ZNF107: variants seen among roughly 807,000 people sequenced by gnomAD.
The protein encoded by ZNF107 is C2H2 type zinc-finger protein.
A neutral mutation model predicts 12.3 loss-of-function variants in ZNF107; 19 were observed. The ratio of observed to expected loss-of-function variants is 1.55; its 90% CI spans 1.08 to 2.27. ZNF107 has a LOEUF of 2.27. Ranked by LOEUF, ZNF107 falls within the 30% of genes most tolerant of loss-of-function variation. The probability of loss-of-function intolerance (pLI) is 0.00; values close to 1 mark genes in which losing one functional copy is unlikely to be tolerated. For synonymous variants in ZNF107, 317 were observed against 330.5 expected (o/e 0.96, Z 0.44); for missense variants, 958 against 979.9 (o/e 0.98, Z 0.30).
chr7:64,684,801 TTATC>T, intron 1 of ZNF107: 1 of 885,520 alleles, frequency 1.1e-6, no homozygotes, highest in South Asian at 5.2e-5. Flanking sequence ...TACTCACTCT[TTATC>T]TATCCCTCCT....
chr7:64,709,719 A>C lies in ZNF107; in HGVS notation c.*1063A>C, dbSNP rs760248639. On this transcript the variant is annotated 3_prime_UTR_variant, in exon 4 of 4. Coordinates refer to ENST00000620827, the MANE Select transcript of ZNF107 (RefSeq NM_001282359.2). Reference sequence around the variant, plus strand: ...TGTACAAATACAAGGAATGTGGAAAAGCCATTATTATCTGCTCAGATTTTA... The same window carrying C: ...TGTACAAATACAAGGAATGTGGAAACGCCATTATTATCTGCTCAGATTTTA... The C allele has an allele frequency of 2.2e-5, 10 of 455,968 alleles. No individual in the cohort carries two copies. Among genetic ancestry groups the C allele is most frequent in the South Asian group, 1.5e-4 (10 of 64,530 alleles). The allele number at this position is 455,968 out of a possible 1,614,324, so 28.2% of individuals were successfully genotyped here.
In ZNF107 at chr7:64,707,193, G is replaced by A; in HGVS notation, c.1096G>A (p.Gly366Arg). Residue 366 changes from glycine (G) to arginine (R), a missense_variant, in exon 4 of 4, where the codon GGG becomes AGG. Coordinates refer to ENST00000620827, the MANE Select transcript of ZNF107 (RefSeq NM_001282359.2). ...LNKQEKIHTGGKLNKCEECDK... is the reference protein window; with the variant it reads ...LNKQEKIHTGRKLNKCEECDK... ...TAAACAGGAGAAAATTCATACTGGA[G>A]GGAAACTCAACAAATGTGAAGAATG... 1 of 1,613,632 alleles carries A rather than the reference G, an allele frequency of 6.2e-7. No individual in the cohort carries two copies. Among genetic ancestry groups the A allele is most frequent in the African/African-American group, 1.3e-5 (1 of 75,000 alleles).
chr7:64,684,355 A>T (rs1188278941), intron 1 of ZNF107, among the ~76,000 whole-genome samples: 1 of 152,052 alleles, frequency 6.6e-6, no homozygotes, highest in Non-Finnish European at 1.5e-5. Context: ...ATATGAGGAC[A>T]CTCTGGCCAG....
intron 3 of ZNF107, among the ~76,000 whole-genome samples, chr7:64,694,917 GTTAC>G (rs1445927508): frequency 6.6e-6 from 1 of 152,018 alleles, no homozygotes; most frequent in Non-Finnish European, 1.5e-5. Context: ...TACTAAAATA[GTTAC>G]TTACAAATTT....
rs75081833 is a variant in ZNF107 at position 64,706,647 on chromosome 7, G to C, written c.550G>C (p.Val184Leu). 6.2e-7 allele frequency: 1 copy of C among 1,613,334 alleles called. No homozygotes were observed. Among genetic ancestry groups the C allele is most frequent in the Non-Finnish European group, 8.5e-7 (1 of 1,179,584 alleles). The part of the protein sequence containing the change: ...KCKECSKSFC[V>L]LSQLTQHRRI... The stretch of plus-strand genomic sequence containing the variant: ...TAAAGAATGTAGCAAATCATTTTGC[G>C]TGCTTTCACAACTAACTCAGCATAG... The change falls in exon 4 of 4, where the codon GTG becomes CTG. Residue 184 changes from valine (V) to leucine (L), a missense_variant. Coordinates refer to ENST00000620827, the MANE Select transcript of ZNF107 (RefSeq NM_001282359.2).
Position 64,706,489 on chromosome 7 carries a change from A to AT in ZNF107, c.393dup (p.Thr132TyrfsTer3), listed in dbSNP as rs779851779. On this transcript the variant is annotated frameshift_variant, in exon 4 of 4. Transcript: ENST00000620827. LOFTEE classifies it low-confidence loss of function (END_TRUNC). ...TGTACGGGGCACAAAGGAGGTCATAATACAGTTAACCAATGTTTGACAGCT... is the reference window on the plus strand; with the variant it reads ...TGTACGGGGCACAAAGGAGGTCATAATTACAGTTAACCAATGTTTGACAGCT... The AT allele has an allele frequency of 6.2e-7, 1 of 1,612,864 alleles. No individual in the cohort carries two copies. Among genetic ancestry groups the AT allele is most frequent in the East Asian group, 2.2e-5 (1 of 44,836 alleles).
chr7:64,684,639 C>T (rs2128960680), intron 1 of ZNF107: 1 of 985,412 alleles, frequency 1.0e-6, no homozygotes, highest in Non-Finnish European at 1.2e-6. Flanking sequence ...CCTGCTTCTT[C>T]ACCCTCTTCC....
chr7:64,667,823 C>T (rs1394937018), intron 1 of ZNF107, among the ~76,000 whole-genome samples: 1 of 152,066 alleles, frequency 6.6e-6, no homozygotes, highest in Non-Finnish European at 1.5e-5. Flanking sequence ...CTCAACCCGA[C>T]TTCCATTTCT....
Position 64,708,527 on chromosome 7 carries a change from T to G in ZNF107, c.2430T>G (p.Ile810Met), listed in dbSNP as rs1422281394. Residue 810 changes from isoleucine to methionine, a missense_variant, in exon 4 of 4, where the codon ATT becomes ATG. Coordinates refer to ENST00000620827, the MANE Select transcript of ZNF107 (RefSeq NM_001282359.2). ...QFSSLNIHKI[I>M]HTGEKPYKCG... Reference sequence around the variant, plus strand: ...CATCTCTTAATATACATAAGATAATTCATACTGGAGAGAAACCCTACAAAT... The same window carrying G: ...CATCTCTTAATATACATAAGATAATGCATACTGGAGAGAAACCCTACAAAT... The G allele has an allele frequency of 1.9e-6, 3 of 1,613,132 alleles. No individual in the cohort carries two copies. Among genetic ancestry groups the G allele is most frequent in the Non-Finnish European group, 2.5e-6 (3 of 1,179,526 alleles).
chr7:64,703,005 CT>C (rs1272372595), intron 3 of ZNF107, among the ~76,000 whole-genome samples: 11 of 152,120 alleles, frequency 7.2e-5, no homozygotes, highest in Non-Finnish European at 1.5e-4. Context: ...CTTTCTATTA[CT>C]TTTTTTCTAT....
At chr7:64,666,656 G>T (rs1584456439) in intron 1 of ZNF107, among the ~76,000 whole-genome samples, 1 of 152,192 alleles carries the variant, frequency 6.6e-6, no homozygotes, top group South Asian at 2.1e-4. Flanking sequence ...GGGATGCGGG[G>T]TTCATGAATG....
intron 3 of ZNF107, among the ~76,000 whole-genome samples, chr7:64,705,300 T>C (rs1584490844): frequency 6.6e-6 from 1 of 152,136 alleles, no homozygotes; most frequent in African/African-American, 2.4e-5. Flanking sequence ...TTTTTAAGTT[T>C]TTTTTGCATT....
chr7:64,678,687 G>A (rs779139233), intron 1 of ZNF107, among the ~76,000 whole-genome samples: 3 of 151,970 alleles, frequency 2.0e-5, no homozygotes, highest in Admixed American at 6.6e-5. Flanking sequence ...TTTATACTTA[G>A]GTATTTTATC....
chr7:64,690,045 C>G (rs879509767), intron 1 of ZNF107: 3 of 152,184 alleles, frequency 2.0e-5, no homozygotes, highest in Non-Finnish European at 4.4e-5. Flanking sequence ...TTAGTCTAGA[C>G]TAGCAACTGA....
At chr7:64,698,806 T>G (rs188650390) in intron 3 of ZNF107, among the ~76,000 whole-genome samples, 1 of 152,302 alleles carries the variant, frequency 6.6e-6, no homozygotes, top group Non-Finnish European at 1.5e-5. Context: ...TTCTAAGAGA[T>G]TTGTTATTTT....
intron 3 of ZNF107, among the ~76,000 whole-genome samples, chr7:64,697,733 C>G (rs1381375583): frequency 6.6e-6 from 1 of 150,582 alleles, no homozygotes; most frequent in Admixed American, 6.6e-5. Flanking sequence ...CTTTGTCACC[C>G]AGGCTGGAGT....
At chr7:64,674,500 GCTTTT>G (rs762941600) in intron 1 of ZNF107, among the ~76,000 whole-genome samples, 4 of 152,288 alleles carry the variant, frequency 2.6e-5, no homozygotes, top group Non-Finnish European at 5.9e-5. Flanking sequence ...AGTTTAAAGA[GCTTTT>G]CTGTGAGGAC....
Position 64,708,521 on chromosome 7 carries a change from GAT to G in ZNF107, c.2426_2427del (p.Ile809AsnfsTer27). 6.2e-7 allele frequency: 1 copy of G among 1,612,930 alleles called. No individual in the cohort carries two copies. The highest frequency in any genetic ancestry group is 8.5e-7 in the Non-Finnish European group (1 of 1,179,522). On this transcript the variant is annotated frameshift_variant, in exon 4 of 4. Transcript: ENST00000620827. LOFTEE classifies it low-confidence loss of function (END_TRUNC). ...AGTTCTCATCTCTTAATATACATAAGATAATTCATACTGGAGAGAAACCCTAC... is the reference window on the plus strand; with the variant it reads ...AGTTCTCATCTCTTAATATACATAAGAATTCATACTGGAGAGAAACCCTAC... ...NQFSSLNIHKIIHTGEKPYKC... is the reference protein window; with the variant it reads ...NQFSSLNIHKXIHTGEKPYKC...
At position 64,702,857 on chromosome 7, in the gene ZNF107, C is replaced by G. The variant is rs1790522406; in HGVS notation, c.227-3467C>G. ...TATAGGCGTGAGCCACCGCACCCAGCCTACCTCTTTTTTTGGGAAGTCTTT... is the reference window on the plus strand; with the variant it reads ...TATAGGCGTGAGCCACCGCACCCAGGCTACCTCTTTTTTTGGGAAGTCTTT... On this transcript the variant is annotated intron_variant, in intron 3 of 3. Coordinates refer to ENST00000620827, the MANE Select transcript of ZNF107 (RefSeq NM_001282359.2). 2.6e-5 allele frequency among the ~76,000 whole-genome samples: 4 copies of G among 152,290 alleles called. No homozygotes were observed. The South Asian group carries it at 8.3e-4, about 32-fold the overall frequency.
Sources: gnomAD v4.1 joint callset for allele counts (sites outside exome capture counted in the v4.1 genomes callset) on GRCh38, gnomAD v4.1.1 for gene constraint, MANE v1.5 for transcripts, NCBI Gene and HGNC (gene_info 2026-07-23, HGNC 2026-07-21) for gene names.